The following TFB1M variants were observed in gnomAD, a reference collection of about 807,000 sequenced individuals.
TFB1M encodes the protein transcription factor B1, mitochondrial.
A neutral mutation model predicts 31.1 loss-of-function variants in TFB1M; 27 were observed. The ratio of observed to expected loss-of-function variants is 0.87; its 90% CI spans 0.64 to 1.20. TFB1M has a LOEUF of 1.20. TFB1M is among the 50% of genes most tolerant of loss of function. The pLI, the probability that TFB1M is intolerant of heterozygous loss-of-function variation, is 0.00. For synonymous variants in TFB1M, 166 were observed against 151.8 expected (o/e 1.09, Z -0.69); for missense variants, 394 against 418.7 (o/e 0.94, Z 0.51).
At chr6:155,259,407 G>A (rs989709523) in intron 6 of TFB1M, among the ~76,000 whole-genome samples, 4 of 152,232 alleles carry the variant, frequency 2.6e-5, no homozygotes, top group African/African-American at 9.6e-5. Context: ...CTGCCATCTG[G>A]CATCCTCAGC....
chr6:155,275,222 T>C (rs778508619), intron 5 of TFB1M, among the ~76,000 whole-genome samples: 13 of 151,952 alleles, frequency 8.6e-5, no homozygotes, highest in Non-Finnish European at 1.5e-4. Context: ...TGAGACTCCA[T>C]CTCAAAAAAA....
the TFB1M span, chr6:155,248,199 T>A: frequency 6.2e-7 from 1 of 1,608,468 alleles, no homozygotes; most frequent in Non-Finnish European, 8.5e-7. Context: ...CGGCGGCACC[T>A]CCGGGCGAGG....
chr6:155,260,311 T>C lies in TFB1M; in HGVS notation c.756A>G (p.Val252=), dbSNP rs1784334280. 6.2e-7 allele frequency: 1 copy of C among 1,614,094 alleles called. No individual in the cohort carries two copies. The highest frequency in any genetic ancestry group is 1.3e-5 in the African/African-American group (1 of 74,930). The part of the protein sequence containing the change: ...FKLVEKVVQN[V]FQFRRKYCHR... ...GGCAGTATTTCCTTCGGAACTGAAA[T>C]ACATTCTGAACCACTTTTTCCACCA... Residue 252 remains valine (V), a synonymous_variant, in exon 6 of 7, where the codon GTA becomes GTG. Coordinates refer to ENST00000367166, the MANE Select transcript of TFB1M (RefSeq NM_016020.4).
At chr6:155,254,091 CAG>C (rs1008843017), downstream of TFB1M, 2 of 1,587,760 alleles carry the variant, frequency 1.3e-6, no homozygotes, top group African/African-American at 2.7e-5. Context: ...TTAAAACCAA[CAG>C]AAATAACATA....
intron 5 of TFB1M, among the ~76,000 whole-genome samples, chr6:155,281,885 G>C (rs1785522024): frequency 6.6e-6 from 1 of 151,894 alleles, no homozygotes; most frequent in Admixed American, 6.6e-5. Context: ...CTTGAGAAAT[G>C]TGCAGAGTAG....
intron 5 of TFB1M, among the ~76,000 whole-genome samples, chr6:155,278,147 C>G (rs1375955791): frequency 6.6e-6 from 1 of 152,120 alleles, no homozygotes; most frequent in Non-Finnish European, 1.5e-5. Context: ...GAATTCCTAT[C>G]CCGCTGTGTT....
At chr6:155,255,294 C>T (rs1783928066), downstream of TFB1M, 1 of 152,172 alleles carries the variant, frequency 6.6e-6, no homozygotes, top group Admixed American at 6.5e-5. Flanking sequence ...GCCTCTTATA[C>T]TCGTTCTTAA....
the TFB1M span, among the ~76,000 whole-genome samples, chr6:155,245,192 T>C: frequency 6.6e-6 from 1 of 152,314 alleles, no homozygotes; most frequent in African/African-American, 2.4e-5. Flanking sequence ...CTCTCTTCTA[T>C]GAAGCACCAG....
intron 2 of TFB1M, among the ~76,000 whole-genome samples, chr6:155,301,408 C>G (rs1416213497): frequency 1.3e-5 from 2 of 152,210 alleles, no homozygotes; most frequent in Non-Finnish European, 2.9e-5. Context: ...TGAAGACCTT[C>G]TAGCCAACCA....
chr6:155,250,814 T>C, the TFB1M span: 1 of 1,319,172 alleles, frequency 7.6e-7, no homozygotes. Flanking sequence ...CCAGCTGTGC[T>C]TGCATTTTAG....
chr6:155,273,780 A>G (rs1303664961), intron 5 of TFB1M, among the ~76,000 whole-genome samples: 2 of 152,182 alleles, frequency 1.3e-5, no homozygotes, highest in Admixed American at 1.3e-4. Flanking sequence ...ACTGTATGAC[A>G]TGGGGTGATA....
intron 4 of TFB1M, among the ~76,000 whole-genome samples, chr6:155,288,672 A>G (rs1776772177): frequency 6.6e-6 from 1 of 152,258 alleles, no homozygotes; most frequent in Non-Finnish European, 1.5e-5. Context: ...CAATCTTTGT[A>G]GCATATATCC....
At chr6:155,253,065 G>T, downstream of TFB1M, 1 of 1,605,464 alleles carries the variant, frequency 6.2e-7, no homozygotes, top group South Asian at 1.1e-5. Flanking sequence ...TAACTGTTTC[G>T]TGCAGTATGA....
At chr6:155,269,617 C>T (rs184676334) in intron 5 of TFB1M, among the ~76,000 whole-genome samples, 39 of 152,116 alleles carry the variant, frequency 2.6e-4, no homozygotes, top group South Asian at 4.1e-4. Flanking sequence ...CCACCACGCC[C>T]GGCCAGTTTT....
chr6:155,239,866 C>T, the TFB1M span, among the ~76,000 whole-genome samples: 6 of 152,222 alleles, frequency 3.9e-5, no homozygotes, highest in East Asian at 1.9e-4. Context: ...CCTGCCTGTG[C>T]GCTCTGCAGG....
At chr6:155,285,857 A>C (rs1054735256) in intron 4 of TFB1M, among the ~76,000 whole-genome samples, 1 of 152,214 alleles carries the variant, frequency 6.6e-6, no homozygotes, top group African/African-American at 2.4e-5. Context: ...GGTATATTTC[A>C]ATTAATTCAT....
At chr6:155,255,789 C>G (rs1391195272), downstream of TFB1M, 1 of 152,406 alleles carries the variant, frequency 6.6e-6, no homozygotes, top group African/African-American at 2.4e-5. Flanking sequence ...CCCTTGAGCT[C>G]TTGAGAACAG....
intron 5 of TFB1M, among the ~76,000 whole-genome samples, chr6:155,282,571 A>G (rs1776417978): frequency 6.6e-6 from 1 of 152,098 alleles, no homozygotes; most frequent in Non-Finnish European, 1.5e-5. Flanking sequence ...GAATCTGCCC[A>G]ACCTCTATTT....
In TFB1M at chr6:155,257,584, A is replaced by T. The variant is rs1583301499; in HGVS notation, c.*252T>A. 1 of 308,772 alleles carries T rather than the reference A, an allele frequency of 3.2e-6. No homozygotes were observed. Among genetic ancestry groups the T allele is most frequent in the East Asian group, 5.4e-5 (1 of 18,614 alleles). 19.1% of individuals were successfully genotyped at this position (308,772 alleles called of 1,614,324 possible). A position where few individuals can be genotyped will look rare whatever the true frequency, so the allele number is the denominator to read the frequency against. ...TGCAGATACTTCATTTTTGTAAGAT[A>T]GATTGTAATAGATGCTGTTTATACT... On this transcript the variant is annotated 3_prime_UTR_variant, in exon 7 of 7. Coordinates refer to ENST00000367166, the MANE Select transcript of TFB1M (RefSeq NM_016020.4).
Sources: gnomAD v4.1 joint callset for allele counts (sites outside exome capture counted in the v4.1 genomes callset) on GRCh38, gnomAD v4.1.1 for gene constraint, MANE v1.5 for transcripts, NCBI Gene and HGNC (gene_info 2026-07-23, HGNC 2026-07-21) for gene names.